ELMO1: variants seen among roughly 807,000 people sequenced by gnomAD.
ELMO1 encodes engulfment and cell motility protein 1.
In ELMO1, 26 loss-of-function variants were observed where a neutral mutation model predicts 98.9. The observed-to-expected ratio is 0.26, with a 90% confidence interval of 0.19 to 0.36. The LOEUF (loss-of-function observed/expected upper bound fraction) is 0.36, where lower values mean the gene tolerates loss of function less well. Ranked by LOEUF, ELMO1 falls within the 10% of genes least tolerant of loss-of-function variation. The probability of loss-of-function intolerance (pLI) is 1.00; values close to 1 mark genes in which losing one functional copy is unlikely to be tolerated. For synonymous variants in ELMO1, 346 were observed against 346.0 expected, an observed-to-expected ratio of 1.00 and a Z score of 0.00; for missense variants, 627 against 935.2, an observed-to-expected ratio of 0.67 and a Z score of 4.30.
At chr7:37,170,068 A>T (rs1021129696) in intron 13 of ELMO1, among the ~76,000 whole-genome samples, 11 of 151,726 alleles carry the variant, frequency 7.2e-5, no homozygotes, top group Non-Finnish European at 1.6e-4. Context: ...TGCCCAGCTA[A>T]TTTTTTTTGT....
intron 4 of ELMO1, among the ~76,000 whole-genome samples, chr7:37,279,386 G>T (rs1009259761): frequency 6.6e-6 from 1 of 152,084 alleles, no homozygotes; most frequent in South Asian, 2.1e-4. Flanking sequence ...GCGGAAGCTC[G>T]CTTTGTGGAT....
chr7:37,199,657 C>G (rs565618162), intron 13 of ELMO1, among the ~76,000 whole-genome samples: 1 of 152,140 alleles, frequency 6.6e-6, no homozygotes, highest in Non-Finnish European at 1.5e-5. Flanking sequence ...ATGGTGGCAA[C>G]AGCACATGCC....
At chr7:36,894,702 G>A (rs1805846528) in intron 17 of ELMO1, 152 bp downstream of exon 17, 3 of 936,654 alleles carry the variant, frequency 3.2e-6, no homozygotes, top group Non-Finnish European at 4.8e-6. Flanking sequence ...GAGCTGCTGA[G>A]ACTCCCCTAA....
intron 5 of ELMO1, among the ~76,000 whole-genome samples, chr7:37,261,094 T>C (rs553737430): frequency 1.7e-4 from 26 of 151,884 alleles, no homozygotes; most frequent in African/African-American, 5.6e-4. Flanking sequence ...TTAATGCTAA[T>C]AGTGTTTGAT....
chr7:36,917,440 A>G (rs1035468100), intron 16 of ELMO1, among the ~76,000 whole-genome samples: 3 of 152,224 alleles, frequency 2.0e-5, no homozygotes, highest in Non-Finnish European at 2.9e-5. Flanking sequence ...AGGGCTTAAC[A>G]CCTAGAATAT....
intron 1 of ELMO1, among the ~76,000 whole-genome samples, chr7:37,410,703 C>G (rs1803959636): frequency 6.6e-6 from 1 of 152,162 alleles, no homozygotes; most frequent in Non-Finnish European, 1.5e-5. Context: ...ATGAGAAAAA[C>G]TAGGGCCCAT....
At chr7:37,207,497 G>C (rs6953967) in intron 13 of ELMO1, among the ~76,000 whole-genome samples, 78,428 of 151,930 alleles carry the variant, frequency 0.52, 22,150 homozygotes, top group Non-Finnish European at 0.64. Context: ...GTTACAGTGA[G>C]CAAAGATTGC....
chr7:36,975,860 A>C (rs1182483871), intron 16 of ELMO1, among the ~76,000 whole-genome samples: 3 of 151,962 alleles, frequency 2.0e-5, no homozygotes, highest in Middle Eastern at 6.3e-3. Context: ...AAAAAAAAAA[A>C]AAAGATAAAA....
intron 15 of ELMO1, among the ~76,000 whole-genome samples, chr7:37,051,041 G>T (rs888642452): frequency 6.6e-6 from 1 of 152,158 alleles, no homozygotes; most frequent in East Asian, 1.9e-4. Flanking sequence ...TTTCTTTGAC[G>T]TGTTCAGCTT....
Position 37,358,297 on chromosome 7 carries a change from C to T in ELMO1, c.-73-15534G>A, listed in dbSNP as rs542376809. Among the ~76,000 whole-genome samples the T allele has an allele frequency of 2.0e-5, 3 of 152,286 alleles. No homozygotes were observed. The East Asian group carries it at 5.8e-4, about 29-fold the overall frequency. On this transcript the variant is annotated intron_variant, in intron 1 of 21. Transcript: ENST00000310758. ...ATTTCAAATGCTTTGTATCTGCATT[C>T]AGTTCTAGCAAACTTGAAACTCAAC...
At chr7:37,188,505 AAT>A (rs1171566200) in intron 13 of ELMO1, among the ~76,000 whole-genome samples, 1 of 135,230 alleles carries the variant, frequency 7.4e-6, no homozygotes, top group Non-Finnish European at 1.6e-5. Flanking sequence ...AAAAAAAAAT[AAT>A]AATAATAATA....
intron 15 of ELMO1, among the ~76,000 whole-genome samples, chr7:37,051,565 C>G (rs1796110792): frequency 6.6e-6 from 1 of 151,456 alleles, no homozygotes; most frequent in South Asian, 2.1e-4. Flanking sequence ...TTTTATTTAC[C>G]CTTATACTTA....
At chr7:37,050,012 T>G (rs1197357838) in intron 15 of ELMO1, among the ~76,000 whole-genome samples, 2 of 152,092 alleles carry the variant, frequency 1.3e-5, no homozygotes, top group Admixed American at 6.5e-5. Context: ...ACTCCCGACC[T>G]CAGGTGATCT....
At chr7:37,178,690 A>G (rs924541766) in intron 13 of ELMO1, among the ~76,000 whole-genome samples, 28 of 152,188 alleles carry the variant, frequency 1.8e-4, no homozygotes, top group Non-Finnish European at 3.5e-4. Flanking sequence ...AAAAATTGTA[A>G]AAGTCAGGAG....
intron 4 of ELMO1, among the ~76,000 whole-genome samples, chr7:37,282,158 C>T (rs899791001): frequency 6.6e-6 from 1 of 152,140 alleles, no homozygotes; most frequent in African/African-American, 2.4e-5. Flanking sequence ...CTCAAAAATC[C>T]CAATTCTATT....
chr7:36,979,900 GC>G (rs1408387595), intron 16 of ELMO1, among the ~76,000 whole-genome samples: 2 of 152,160 alleles, frequency 1.3e-5, no homozygotes, highest in Non-Finnish European at 2.9e-5. Context: ...TTCCAACCAG[GC>G]AAGTGGACGT....
At chr7:37,391,315 C>T (rs1803068033) in intron 1 of ELMO1, among the ~76,000 whole-genome samples, 1 of 152,072 alleles carries the variant, frequency 6.6e-6, no homozygotes, top group African/African-American at 2.4e-5. Flanking sequence ...TGGGGTTTCA[C>T]CATGTTGCCC....
intron 15 of ELMO1, among the ~76,000 whole-genome samples, chr7:37,091,852 T>G (rs1247490187): frequency 1.3e-5 from 2 of 151,818 alleles, no homozygotes; most frequent in African/African-American, 4.8e-5. Flanking sequence ...CAAAAGGGGT[T>G]TCCCCTTATA....
intron 21 of ELMO1, among the ~76,000 whole-genome samples, chr7:36,859,235 A>G (rs1277119521): frequency 6.6e-6 from 1 of 152,224 alleles, no homozygotes; most frequent in Non-Finnish European, 1.5e-5. Flanking sequence ...AGACAATTAG[A>G]GACATCTGAA....
Sources: gnomAD v4.1 joint callset for allele counts (sites outside exome capture counted in the v4.1 genomes callset) on GRCh38, gnomAD v4.1.1 for gene constraint, MANE v1.5 for transcripts, NCBI Gene and HGNC (gene_info 2026-07-23, HGNC 2026-07-21) for gene names.